Variants in KCNQ1 observed in about 807,000 individuals in gnomAD.
KCNQ1 encodes the protein potassium voltage-gated channel subfamily KQT member 1.
Under a neutral mutation model 72.4 loss-of-function variants are expected in KCNQ1, and 49 were observed. The ratio of observed to expected loss-of-function variants is 0.68; its 90% CI spans 0.54 to 0.86. KCNQ1 has a LOEUF of 0.86. Among genes scored for constraint, KCNQ1 ranks in the 40% least tolerant of loss-of-function variants. KCNQ1 has a pLI of 0.00. For synonymous variants in KCNQ1, 450 were observed against 412.6 expected (o/e 1.09, Z -1.10); for missense variants, 790 against 945.1 (o/e 0.84, Z 2.15).
At chr11:2,791,508 C>A (rs1025020555) in intron 15 of KCNQ1, among the ~76,000 whole-genome samples, 1 of 152,186 alleles carries the variant, frequency 6.6e-6, no homozygotes, top group Non-Finnish European at 1.5e-5. Context: ...TGGTCACCAT[C>A]AAAAATAGAT....
rs163177 is a variant in KCNQ1, at chr11:2,817,183, T to C, written c.1795-30584T>C. ...GCACGCTCCTTTCAAGGGTTAACGG[T>C]GCAAGCTCCTCACGGCACCAGTGCG... On this transcript the variant is annotated intron_variant, in intron 15 of 15. Coordinates refer to ENST00000155840, the MANE Select transcript of KCNQ1 (RefSeq NM_000218.3). This position sits in a 1 kb window ranked among gnomAD's most constrained non-coding sequence, Gnocchi z 6.1. Among the ~76,000 whole-genome samples, 68,002 of 152,150 alleles carry C rather than the reference T, an allele frequency of 0.45. 15,962 individuals are homozygous for C. Among genetic ancestry groups the C allele is most frequent in the South Asian group, 0.49 (2,376 of 4,824 alleles).
At chr11:2,694,240 A>G (rs748022688) in intron 11 of KCNQ1, 3 of 398,576 alleles carry the variant, frequency 7.5e-6, no homozygotes, top group Non-Finnish European at 8.8e-6. Context: ...GGCAGGATGC[A>G]AGCCAGGGCC....
At position 2,671,770 on chromosome 11, in the gene KCNQ1, T is replaced by A. The variant is rs116876400; in HGVS notation, c.1514+9689T>A. The A allele has an allele frequency of 5.0e-6, 2 of 398,696 alleles. No homozygotes were observed. Among genetic ancestry groups the A allele is most frequent in the Non-Finnish European group, 8.8e-6 (2 of 226,142 alleles). The allele number at this position is 398,696 out of a possible 1,614,324, so 24.7% of individuals were successfully genotyped here. On this transcript the variant is annotated intron_variant, in intron 11 of 15. Coordinates refer to ENST00000155840, the MANE Select transcript of KCNQ1 (RefSeq NM_000218.3). The surrounding 1 kb of genome is among the most constrained non-coding windows in gnomAD (Gnocchi z 4.7). The stretch of plus-strand genomic sequence containing the variant: ...CTACATACACATACATGCATGCACA[T>A]AATCATTCTGACCCAGTCAGGGTTC...
At position 2,611,391 on chromosome 11, in the gene KCNQ1, T is replaced by C. The variant is rs756232546; in HGVS notation, c.1393+22537T>C. ...TTTGCCACCATACCCAGCTAATTTT[T>C]AGTAGAGACAGAGTTTCACCATGTT... On this transcript the variant is annotated intron_variant, in intron 10 of 15. Transcript: ENST00000155840. This position sits in a 1 kb window ranked among gnomAD's most constrained non-coding sequence, Gnocchi z 5.3. The C allele has an allele frequency of 5.0e-6, 2 of 397,580 alleles. No homozygotes were observed. The highest frequency in any genetic ancestry group is 8.8e-6 in the Non-Finnish European group (2 of 225,992). 24.6% of individuals were successfully genotyped at this position (397,580 alleles called of 1,614,324 possible).
In KCNQ1 at chr11:2,579,897, C is replaced by T. The variant is rs1444776611; in HGVS notation, c.922-3538C>T. On this transcript the variant is annotated intron_variant, in intron 6 of 15. Coordinates refer to ENST00000155840, the MANE Select transcript of KCNQ1 (RefSeq NM_000218.3). The surrounding 1 kb of genome is among the most constrained non-coding windows in gnomAD (Gnocchi z 6.0). Reference sequence around the variant, plus strand: ...GTGGTCTCGGGTGTCCTTACGCGAGCAGGTGGCTACCTCACCTGCTCACCT... The same window carrying T: ...GTGGTCTCGGGTGTCCTTACGCGAGTAGGTGGCTACCTCACCTGCTCACCT... Among the ~76,000 whole-genome samples the T allele has an allele frequency of 1.3e-5, 2 of 152,228 alleles. No homozygotes were observed. The highest frequency in any genetic ancestry group is 4.2e-4 in the South Asian group (2 of 4,808).
At position 2,715,564 on chromosome 11, in the gene KCNQ1, C is replaced by T. The variant is rs772718925; in HGVS notation, c.1515-53280C>T. Among the ~76,000 whole-genome samples, 1 of 152,092 alleles carries T rather than the reference C, an allele frequency of 6.6e-6. No homozygotes were observed. On this transcript the variant is annotated intron_variant, in intron 11 of 15. Coordinates refer to ENST00000155840, the MANE Select transcript of KCNQ1 (RefSeq NM_000218.3). The surrounding 1 kb of genome is among the most constrained non-coding windows in gnomAD (Gnocchi z 4.9). ...GTACCTGGGGATGCCTGTGCCCAAG[C>T]CTTCCTCTTCCACCACCCCTGCTGG... is the stretch of plus-strand genomic sequence containing the variant.
At chr11:2,709,142 A>G (rs1262610354) in intron 11 of KCNQ1, among the ~76,000 whole-genome samples, 1 of 152,028 alleles carries the variant, frequency 6.6e-6, no homozygotes, top group African/African-American at 2.4e-5. Flanking sequence ...CTGTTGTGGC[A>G]CGGGGTCTGT....
In KCNQ1 at chr11:2,653,833, G is replaced by A. The variant is rs1198428140; in HGVS notation, c.1394-8128G>A. ...GGCAAGGTCCACAGGGACCCCTTTG[G>A]GGATGGCCAGAGGGTACCTAAACAC... On this transcript the variant is annotated intron_variant, in intron 10 of 15. Coordinates refer to ENST00000155840, the MANE Select transcript of KCNQ1 (RefSeq NM_000218.3). This position sits in a 1 kb window ranked among gnomAD's most constrained non-coding sequence, Gnocchi z 5.3. The A allele has an allele frequency of 2.5e-6, 1 of 398,524 alleles. No individual in the cohort carries two copies. The highest frequency in any genetic ancestry group is 3.6e-5 in the East Asian group (1 of 28,090). The allele number at this position is 398,524 out of a possible 1,614,324, so 24.7% of individuals were successfully genotyped here.
intron 15 of KCNQ1, 76 bp from the exon 16 acceptor site, chr11:2,847,691 A>G (rs1385538594): frequency 2.9e-6 from 4 of 1,397,082 alleles, no homozygotes; most frequent in East Asian, 4.9e-5. Flanking sequence ...TCTGGCCCCA[A>G]ACCTGGGCCC....
At position 2,509,557 on chromosome 11, in the gene KCNQ1, G is replaced by A. The variant is rs2133659234; in HGVS notation, c.387-18371G>A. ...TGAGCCCAGCTATTCTGGGAAGCAG[G>A]CAGGAAGTGGCAGCTCCAGGTCCGG... On this transcript the variant is annotated intron_variant, in intron 1 of 15. Coordinates refer to ENST00000155840, the MANE Select transcript of KCNQ1 (RefSeq NM_000218.3). This position sits in a 1 kb window ranked among gnomAD's most constrained non-coding sequence, Gnocchi z 6.3. 6.6e-6 allele frequency among the ~76,000 whole-genome samples: 1 copy of A among 152,316 alleles called. No homozygotes were observed. The highest frequency in any genetic ancestry group is 1.5e-5 in the Non-Finnish European group (1 of 68,014).
intron 2 of KCNQ1, among the ~76,000 whole-genome samples, chr11:2,533,350 C>T (rs1847673498): frequency 6.6e-6 from 1 of 152,106 alleles, no homozygotes; most frequent in African/African-American, 2.4e-5. Context: ...ACCGTGAACA[C>T]CACGTGAACA....
intron 2 of KCNQ1, among the ~76,000 whole-genome samples, chr11:2,557,359 G>A (rs577978024): frequency 3.3e-5 from 5 of 152,328 alleles, no homozygotes; most frequent in African/African-American, 4.8e-5. Flanking sequence ...AGATTTTAAT[G>A]TACCTCTTTT....
rs1326454189 is a variant in KCNQ1, at chr11:2,645,767, T to G, written c.1394-16194T>G. The G allele has an allele frequency of 1.0e-5, 4 of 398,548 alleles. No homozygotes were observed. Among genetic ancestry groups the G allele is most frequent in the African/African-American group, 4.1e-5 (2 of 48,580 alleles). The allele number at this position is 398,548 out of a possible 1,614,324, so 24.7% of individuals were successfully genotyped here. ...GCTCCAGGGATGAGATAGAGGGATG[T>G]GGGGCCCACAGCAGATGCAGTCTGG... is the stretch of plus-strand genomic sequence containing the variant. On this transcript the variant is annotated intron_variant, in intron 10 of 15. Coordinates refer to ENST00000155840, the MANE Select transcript of KCNQ1 (RefSeq NM_000218.3). This position sits in a 1 kb window ranked among gnomAD's most constrained non-coding sequence, Gnocchi z 5.8.
intron 2 of KCNQ1, among the ~76,000 whole-genome samples, chr11:2,529,999 A>T (rs1847590617): frequency 6.6e-6 from 1 of 150,858 alleles, no homozygotes. Context: ...CCTGGAATAA[A>T]CCCCCTTGGT....
intron 1 of KCNQ1, among the ~76,000 whole-genome samples, chr11:2,517,764 C>T (rs1473569173): frequency 6.6e-6 from 1 of 152,214 alleles, no homozygotes; most frequent in African/African-American, 2.4e-5. Context: ...TCACACCTGC[C>T]TGCTGGGGGG....
intron 10 of KCNQ1, chr11:2,643,946 A>G (rs1309608871): frequency 5.0e-6 from 2 of 398,452 alleles, no homozygotes. Flanking sequence ...CCTGGCCTGT[A>G]AAGTTTCTGC....
At chr11:2,753,436 T>A (rs925869362) in intron 11 of KCNQ1, among the ~76,000 whole-genome samples, 4 of 152,134 alleles carry the variant, frequency 2.6e-5, no homozygotes, top group Non-Finnish European at 5.9e-5. Context: ...AGAAAAGGCA[T>A]GTGCCCTGGG....
rs1036503708 is a variant in KCNQ1 at position 2,654,639 on chromosome 11, G to A, written c.1394-7322G>A. On this transcript the variant is annotated intron_variant, in intron 10 of 15. Coordinates refer to ENST00000155840, the MANE Select transcript of KCNQ1 (RefSeq NM_000218.3). This position sits in a 1 kb window ranked among gnomAD's most constrained non-coding sequence, Gnocchi z 6.4. ...CTAGGAAGGGCCCAGACACTGGCGA[G>A]AGTCTCTTGAGGGCAGAGGGCAGCA... The A allele has an allele frequency of 2.5e-6, 1 of 398,720 alleles. No homozygotes were observed. The highest frequency in any genetic ancestry group is 1.3e-4 in the South Asian group (1 of 7,866). 24.7% of individuals were successfully genotyped at this position (398,720 alleles called of 1,614,324 possible).
At position 2,658,561 on chromosome 11, in the gene KCNQ1, A is replaced by G. The variant is rs961817525; in HGVS notation, c.1394-3400A>G. On this transcript the variant is annotated intron_variant, in intron 10 of 15. Coordinates refer to ENST00000155840, the MANE Select transcript of KCNQ1 (RefSeq NM_000218.3). The surrounding 1 kb of genome is among the most constrained non-coding windows in gnomAD (Gnocchi z 4.9). ...TTTTCCCTACCCTAGCCCTAGAATC[A>G]TCCATTCATCCAGAGAGCCCTGGCT... is the stretch of plus-strand genomic sequence containing the variant. The G allele has an allele frequency of 1.4e-5, 5 of 356,562 alleles. No homozygotes were observed. The highest frequency in any genetic ancestry group is 1.2e-4 in the African/African-American group (5 of 40,738). The allele number at this position is 356,562 out of a possible 1,614,324, so 22.1% of individuals were successfully genotyped here. A position where few individuals can be genotyped will look rare whatever the true frequency, so the allele number is the denominator to read the frequency against.
Sources: allele counts gnomAD v4.1 joint callset (sites outside exome capture counted in the v4.1 genomes callset), GRCh38; gene constraint gnomAD v4.1.1; non-coding constraint Gnocchi (gnomAD v3.1); transcripts MANE v1.5; gene names NCBI Gene and HGNC (gene_info 2026-07-23, HGNC 2026-07-21).